Variants in TNN observed in about 807,000 individuals in gnomAD.
TNN encodes tenascin-N.
A neutral mutation model predicts 134.4 loss-of-function variants in TNN; 122 were observed. That is an observed-to-expected ratio of 0.91 (90% CI 0.78 to 1.06). The LOEUF (loss-of-function observed/expected upper bound fraction) is 1.06, where lower values mean the gene tolerates loss of function less well. TNN is among the 50% of genes least tolerant of loss of function. The probability of loss-of-function intolerance (pLI) is 0.00; values close to 1 mark genes in which losing one functional copy is unlikely to be tolerated. For missense variants in TNN, 1,739 were observed against 1,699.4 expected, an observed-to-expected ratio of 1.02 and a Z score of -0.41; for synonymous variants, 710 against 670.3, an observed-to-expected ratio of 1.06 and a Z score of -0.91.
rs564087449 is a variant in TNN at position 175,073,577 on chromosome 1, C to T, written c.-35-3807C>T. On this transcript the variant is annotated intron_variant, in intron 1 of 18. Transcript: ENST00000239462. ...CTTCTTTCTCAGCTCAGACCTGATGCTGGAACCTGCAGAGAAGCTGGAGGG... is the reference window on the plus strand; with the variant it reads ...CTTCTTTCTCAGCTCAGACCTGATGTTGGAACCTGCAGAGAAGCTGGAGGG... Among the ~76,000 whole-genome samples the T allele has an allele frequency of 3.3e-4, 51 of 152,340 alleles. 1 individual carries two copies. In the South Asian group the frequency reaches 0.01, roughly 31 times the overall value.
At chr1:175,115,631 C>A (rs1048917896) in intron 9 of TNN, among the ~76,000 whole-genome samples, 1 of 152,068 alleles carries the variant, frequency 6.6e-6, no homozygotes, top group Non-Finnish European at 1.5e-5. Flanking sequence ...GCTACTCACC[C>A]CGAGAGCAAG....
In TNN at chr1:175,092,926, C is replaced by T. The variant is rs939971790; in HGVS notation, c.1325-1064C>T. Among the ~76,000 whole-genome samples the T allele has an allele frequency of 2.6e-5, 4 of 151,534 alleles. No individual in the cohort carries two copies. The South Asian group carries it at 6.2e-4, about 24-fold the overall frequency. ...CTCATTACTGCTGCAGTGGCCTGCA[C>T]CCCCACCATCTTGCATATACACCAC... On this transcript the variant is annotated intron_variant, in intron 6 of 18. Transcript: ENST00000239462.
At chr1:175,114,628 G>T (rs1675115209) in intron 9 of TNN, among the ~76,000 whole-genome samples, 1 of 152,146 alleles carries the variant, frequency 6.6e-6, no homozygotes, top group Admixed American at 6.5e-5. Flanking sequence ...TCTGTGTCAG[G>T]GCTGGATATA....
chr1:175,082,558 C>T (rs1674221946), intron 4 of TNN, among the ~76,000 whole-genome samples: 1 of 152,166 alleles, frequency 6.6e-6, no homozygotes, highest in South Asian at 2.1e-4. Flanking sequence ...AAAACAGCAC[C>T]TGGCAGATGG....
intron 6 of TNN, among the ~76,000 whole-genome samples, chr1:175,085,874 CAAAAA>C (rs59186260): frequency 6.1e-5 from 5 of 81,584 alleles, no homozygotes; most frequent in Admixed American, 1.4e-4. Flanking sequence ...AACTCCATCT[CAAAAA>C]AAAAAAAAAA....
At chr1:175,090,615 G>A (rs1379938482) in intron 6 of TNN, among the ~76,000 whole-genome samples, 2 of 152,210 alleles carry the variant, frequency 1.3e-5, no homozygotes, top group African/African-American at 4.8e-5. Context: ...GCTTTCGGAT[G>A]TTACAGCCTA....
chr1:175,146,903 G>C (rs757935058), intron 18 of TNN, 28 bp from the exon 19 acceptor site: 2 of 1,451,248 alleles, frequency 1.4e-6, no homozygotes, highest in African/African-American at 1.6e-5. Flanking sequence ...GCCTCTTCTT[G>C]ATGTGGCTTT....
chr1:175,097,578 A>G lies in TNN; in HGVS notation c.1750A>G (p.Ser584Gly), dbSNP rs751356682. ...REVLVGKEQS[S>G]TVLTGLRPGV... ...GGTTCTGGTGGGGAAGGAGCAGAGC[A>G]GCACTGTCCTGACAGGCCTGAGGCC... is the stretch of plus-strand genomic sequence containing the variant. The change falls in exon 8 of 19, where the codon AGC (serine) becomes GGC (glycine). Residue 584 changes from serine to glycine, a missense_variant. Transcript: ENST00000239462. The G allele has an allele frequency of 5.6e-6, 9 of 1,614,240 alleles. No homozygotes were observed. The East Asian group carries it at 1.6e-4, about 28-fold the overall frequency.
At position 175,079,658 on chromosome 1, in the gene TNN, G is replaced by C. The variant is rs780085455; in HGVS notation, c.735G>C (p.Thr245=). 3.7e-6 allele frequency: 6 copies of C among 1,609,254 alleles called. No individual in the cohort carries two copies. Among genetic ancestry groups the C allele is most frequent in the African/African-American group, 1.3e-5 (1 of 75,000 alleles). ...GCAGCGGCCACGGCTTCTGTGACAC[G>C]GGCGAGTGCTACTGCGAGGAGGGCT... ...GDCSGHGFCD[T]GECYCEEGFT... The change falls in exon 3 of 19, where the codon ACG becomes ACC. Residue 245 remains threonine, a synonymous_variant. Coordinates refer to ENST00000239462, the MANE Select transcript of TNN (RefSeq NM_022093.2).
At position 175,083,823 on chromosome 1, in the gene TNN, C is replaced by G. The variant is rs376009860; in HGVS notation, c.1122C>G (p.Pro374=). The stretch of plus-strand genomic sequence containing the variant: ...CCCTTGACGTGGAGTGGGAAAACCC[C>G]TCAACTGAGGTGGACTACTACAAGC... ...ENSLDVEWEN[P]STEVDYYKLR... Residue 374 remains proline, a synonymous_variant, in exon 5 of 19, where the codon CCC becomes CCG. Coordinates refer to ENST00000239462, the MANE Select transcript of TNN (RefSeq NM_022093.2). The G allele has an allele frequency of 6.2e-7, 1 of 1,614,092 alleles. No homozygotes were observed. Among genetic ancestry groups the G allele is most frequent in the African/African-American group, 1.3e-5 (1 of 74,916 alleles).
chr1:175,077,767 GA>G lies in TNN; in HGVS notation c.351del (p.Glu118ArgfsTer5). 6.2e-7 allele frequency: 1 copy of G among 1,614,216 alleles called. No homozygotes were observed. Among genetic ancestry groups the G allele is most frequent in the Non-Finnish European group, 8.5e-7 (1 of 1,180,036 alleles). ...CCTGGCCCGGGTGAAGAAGCTGGAG[GA>G]AGAGATGGTGGAGATGAAGGAACAG... is the stretch of plus-strand genomic sequence containing the variant. ...DLLARVKKLEEEMVEMKEQCS... is the reference protein window; with the variant it reads ...DLLARVKKLEXEMVEMKEQCS... On this transcript the variant is annotated frameshift_variant, in exon 2 of 19. Coordinates refer to ENST00000239462, the MANE Select transcript of TNN (RefSeq NM_022093.2). LOFTEE classifies it high-confidence loss of function.
chr1:175,113,189 T>C (rs893046867), intron 9 of TNN, among the ~76,000 whole-genome samples: 2 of 152,214 alleles, frequency 1.3e-5, no homozygotes, highest in African/African-American at 4.8e-5. Context: ...GATTATCATC[T>C]TTTTGCTTCC....
chr1:175,123,687 G>C (rs1180886711), intron 12 of TNN, 24 bp downstream of exon 12: 1 of 1,613,482 alleles, frequency 6.2e-7, no homozygotes, highest in Non-Finnish European at 8.5e-7. Context: ...CCAGGCCAGG[G>C]GAACACCTCA....
intron 15 of TNN, among the ~76,000 whole-genome samples, chr1:175,135,255 T>G (rs1302104968): frequency 6.6e-6 from 1 of 152,250 alleles, no homozygotes; most frequent in East Asian, 1.9e-4. Flanking sequence ...ACTGAACTAT[T>G]AGTTCCAGGA....
chr1:175,134,464 G>A (rs1174367362), intron 15 of TNN, among the ~76,000 whole-genome samples: 5 of 151,568 alleles, frequency 3.3e-5, no homozygotes, highest in African/African-American at 1.2e-4. Flanking sequence ...AGAGTCGCTT[G>A]AACCCGGGAG....
intron 6 of TNN, among the ~76,000 whole-genome samples, chr1:175,089,571 G>T (rs1574146492): frequency 6.6e-6 from 1 of 152,362 alleles, no homozygotes; most frequent in East Asian, 1.9e-4. Flanking sequence ...ACTGAGAGGT[G>T]ATGTCATTCT....
chr1:175,079,284 C>A, intron 2 of TNN, 49 bp from the exon 3 acceptor site: 2 of 1,526,460 alleles, frequency 1.3e-6, no homozygotes, highest in East Asian at 2.3e-5. Context: ...AAGGAGATCC[C>A]CACGCACAAC....
At chr1:175,141,953 C>G (rs1159431722) in intron 17 of TNN, among the ~76,000 whole-genome samples, 5 of 152,162 alleles carry the variant, frequency 3.3e-5, no homozygotes, top group Non-Finnish European at 7.3e-5. Flanking sequence ...TCCCAGTGCC[C>G]AGGTTTAGAT....
rs751477971 is a variant in TNN, at chr1:175,098,552, G to A, written c.2076G>A (p.Lys692=). Residue 692 remains lysine (K), a synonymous_variant, in exon 9 of 19, where the codon AAG becomes AAA. Transcript: ENST00000239462. ...ACATGGTGCACGTGTGGGCCCAGAAGGGGGACCAGGAGAGCAAGAAGGCCG... is the reference window on the plus strand; with the variant it reads ...ACATGGTGCACGTGTGGGCCCAGAAAGGGGACCAGGAGAGCAAGAAGGCCG... The part of the protein sequence containing the change: ...MEYMVHVWAQ[K]GDQESKKADT... The A allele has an allele frequency of 2.5e-6, 4 of 1,614,174 alleles. No homozygotes were observed. The highest frequency in any genetic ancestry group is 2.7e-5 in the African/African-American group (2 of 75,046).
Sources: gnomAD v4.1 joint callset for allele counts (sites outside exome capture counted in the v4.1 genomes callset) on GRCh38, gnomAD v4.1.1 for gene constraint, MANE v1.5 for transcripts, NCBI Gene and HGNC (gene_info 2026-07-23, HGNC 2026-07-21) for gene names.